ASXL2: variants seen among roughly 807,000 people sequenced by gnomAD.
ASXL2 encodes the protein ASXL transcriptional regulator 2, also known as putative Polycomb group protein ASXL2.
Under a neutral mutation model 122.0 loss-of-function variants are expected in ASXL2, and 23 were observed. The ratio of observed to expected loss-of-function variants is 0.19; its 90% confidence interval spans 0.14 to 0.27. The LOEUF (loss-of-function observed/expected upper bound fraction) is 0.27, where lower values mean the gene tolerates loss of function less well. Ranked by LOEUF, ASXL2 falls within the 10% of genes least tolerant of loss-of-function variation. ASXL2 has a pLI of 1.00. For synonymous variants in ASXL2, 650 were observed against 637.0 expected, an observed-to-expected ratio of 1.02 and a Z score of -0.31; for missense variants, 1,518 against 1,713.8, an observed-to-expected ratio of 0.89 and a Z score of 2.02.
At chr2:25,781,670 CT>C (rs34167762) in intron 5 of ASXL2, among the ~76,000 whole-genome samples, 92 of 121,710 alleles carry the variant, frequency 7.6e-4, no homozygotes, top group East Asian at 9.4e-4. Flanking sequence ...ACACACCTGG[CT>C]TTTTTTTTTT....
In ASXL2 at chr2:25,842,123, G is replaced by GA. The variant is rs1360334756; in HGVS notation, c.140+3357dup. Among the ~76,000 whole-genome samples the GA allele has an allele frequency of 1.3e-3, 153 of 117,422 alleles. 1 individual carries two copies. The highest frequency in any genetic ancestry group is 1.6e-3 in the Non-Finnish European group (84 of 53,380). 77.0% of individuals were successfully genotyped at this position (117,422 alleles called of 152,430 possible). A position where few individuals can be genotyped will look rare whatever the true frequency, so the allele number is the denominator to read the frequency against. ...GCAAAACTCTGTCTCAAAAAAAAAA[G>GA]AAAAAAAAAAAAGAAAAGAACACAG... On this transcript the variant is annotated intron_variant, in intron 2 of 12. Coordinates refer to ENST00000435504, the MANE Select transcript of ASXL2 (RefSeq NM_018263.6).
At chr2:25,751,481 A>G (rs1244398284) in intron 11 of ASXL2, among the ~76,000 whole-genome samples, 1 of 152,060 alleles carries the variant, frequency 6.6e-6, no homozygotes. Flanking sequence ...AAAAAATACA[A>G]TAATTAGCTG....
intron 4 of ASXL2, among the ~76,000 whole-genome samples, chr2:25,803,133 A>AAATGAATGAATGAATGAATGAATG (rs70950123): frequency 6.7e-6 from 1 of 148,628 alleles, no homozygotes; most frequent in East Asian, 2.0e-4. Flanking sequence ...CTCCATCTCA[A>AAATGAATGAATGAATGAATGAATG]AATGAATGAA....
chr2:25,816,603 A>G (rs1353259698), intron 3 of ASXL2, among the ~76,000 whole-genome samples: 4 of 152,230 alleles, frequency 2.6e-5, no homozygotes, highest in Non-Finnish European at 4.4e-5. Flanking sequence ...ACTAAGCCCC[A>G]GTTAACCTAA....
Position 25,759,641 on chromosome 2 carries a change from T to G in ASXL2, c.780A>C (p.Gln260His), listed in dbSNP as rs760461713. ...TGTCAGCACATTTAGTTCTTTTCAT[T>G]TGTCCTACAAAAACAGAGAAGAATC... is the stretch of plus-strand genomic sequence containing the variant. ...FQRSERLHTR[Q>H]MKRTKCADID... The change falls in exon 9 of 13, where the codon CAA (glutamine) becomes CAC (histidine). Residue 260 changes from glutamine (Q) to histidine (H), a missense_variant. This residue lies in a region of ASXL2 where 198 missense variants were observed against 209.0 expected (regional missense o/e 0.95). Coordinates refer to ENST00000435504, the MANE Select transcript of ASXL2 (RefSeq NM_018263.6). 1.2e-6 allele frequency: 2 copies of G among 1,609,236 alleles called. No homozygotes were observed. Among genetic ancestry groups the G allele is most frequent in the Non-Finnish European group, 1.7e-6 (2 of 1,176,380 alleles).
chr2:25,820,888 C>T (rs2089299614), intron 3 of ASXL2, among the ~76,000 whole-genome samples: 1 of 152,030 alleles, frequency 6.6e-6, no homozygotes, highest in African/African-American at 2.4e-5. Context: ...GAAATCAGGC[C>T]AGGCGCGGTG....
intron 3 of ASXL2, among the ~76,000 whole-genome samples, chr2:25,823,904 G>A (rs969238738): frequency 6.2e-5 from 9 of 145,526 alleles, no homozygotes; most frequent in African/African-American, 2.3e-4. Context: ...CTGGAATGGA[G>A]TTTTTATTTT....
chr2:25,810,683 TC>T, intron 3 of ASXL2: 1 of 712,266 alleles, frequency 1.4e-6, no homozygotes, highest in South Asian at 1.4e-5. Context: ...CTGCTCACAC[TC>T]CAGATCCTGC....
chr2:25,798,393 T>C (rs1394005511), intron 5 of ASXL2, among the ~76,000 whole-genome samples: 3 of 152,168 alleles, frequency 2.0e-5, no homozygotes, highest in African/African-American at 7.2e-5. Context: ...TGCATATTAC[T>C]TAAGGAAAGC....
At chr2:25,745,637 CCTT>C (rs2087929007) in intron 12 of ASXL2, among the ~76,000 whole-genome samples, 1 of 135,644 alleles carries the variant, frequency 7.4e-6, no homozygotes. Context: ...CCATTGATTT[CCTT>C]CTTTTTTTTT....
At chr2:25,833,124 T>A (rs2089473292) in intron 3 of ASXL2, among the ~76,000 whole-genome samples, 1 of 152,144 alleles carries the variant, frequency 6.6e-6, no homozygotes, top group African/African-American at 2.4e-5. Flanking sequence ...GGTACATGAA[T>A]CTATACACGT....
chr2:25,787,641 T>TA lies in ASXL2; in HGVS notation c.403+11743dup, dbSNP rs200302562. ...CACACAATTATAAAGTAAAAAAAGT[T>TA]AAAGCCATTCACAACAGAATAAAAA... On this transcript the variant is annotated intron_variant, in intron 5 of 12. Transcript: ENST00000435504. Among the ~76,000 whole-genome samples, 365 of 152,264 alleles carry TA rather than the reference T, an allele frequency of 2.4e-3. 2 individuals carry two copies. The highest frequency in any genetic ancestry group is 8.4e-3 in the African/African-American group (348 of 41,544).
Position 25,742,953 on chromosome 2 carries a change from A to T in ASXL2, c.3384T>A (p.Ile1128=). The part of the protein sequence containing the change: ...PAMAGHYLLN[I]STYGRGSESF... Reference sequence around the variant, plus strand: ...TCTCTGAGCCCCGGCCGTAGGTAGAAATATTCAGTAAGTAGTGCCCTGCCA... The same window carrying T: ...TCTCTGAGCCCCGGCCGTAGGTAGATATATTCAGTAAGTAGTGCCCTGCCA... The change falls in exon 13 of 13, where the codon ATT becomes ATA. Residue 1128 remains isoleucine, a synonymous_variant. Transcript: ENST00000435504. 6.2e-7 allele frequency: 1 copy of T among 1,614,000 alleles called. No homozygotes were observed. The highest frequency in any genetic ancestry group is 8.5e-7 in the Non-Finnish European group (1 of 1,179,902).
intron 3 of ASXL2, among the ~76,000 whole-genome samples, chr2:25,830,447 T>G (rs1013505518): frequency 2.6e-5 from 4 of 151,892 alleles, no homozygotes; most frequent in Non-Finnish European, 2.9e-5. Context: ...GCCTGACCAG[T>G]ATGGTGAAAC....
intron 4 of ASXL2, among the ~76,000 whole-genome samples, chr2:25,804,462 C>A (rs1177915949): frequency 6.6e-6 from 1 of 152,220 alleles, no homozygotes; most frequent in Non-Finnish European, 1.5e-5. Flanking sequence ...GTCAGAGGCT[C>A]CTGCTTTAGT....
intron 4 of ASXL2, among the ~76,000 whole-genome samples, chr2:25,799,980 CA>C (rs35716821): frequency 6.3e-5 from 6 of 94,764 alleles, no homozygotes; most frequent in Middle Eastern, 6.0e-3. Flanking sequence ...CCCGTCTCTA[CA>C]AAAAAAAAAT....
chr2:25,867,380 T>C (rs11898327), intron 1 of ASXL2, among the ~76,000 whole-genome samples: 49,191 of 151,834 alleles, frequency 0.32, 8,536 homozygotes, highest in African/African-American at 0.42. Flanking sequence ...GGCCAAGGAA[T>C]AAGGATAGAT....
rs1343028890 is a variant in ASXL2, at chr2:25,878,199, C to T, written c.24G>A (p.Lys8=). 6.2e-7 allele frequency: 1 copy of T among 1,613,936 alleles called. No homozygotes were observed. The highest frequency in any genetic ancestry group is 1.1e-5 in the South Asian group (1 of 91,088). The part of the protein sequence containing the change: MREKGRR[K]KGRTWAEAAK... ...CGGCCTCCGCCCAGGTCCTGCCCTT[C>T]TTCCTACGTCCCTTTTCCCTCATGT... Residue 8 remains lysine, a synonymous_variant, in exon 1 of 13, where the codon AAG becomes AAA. Transcript: ENST00000435504.
chr2:25,799,323 T>A, intron 5 of ASXL2, 62 bp downstream of exon 5: 1 of 1,609,794 alleles, frequency 6.2e-7, no homozygotes, highest in Non-Finnish European at 8.5e-7. Context: ...AAAGAGGAAC[T>A]ACTAACAAGG....
Sources: gnomAD v4.1 joint callset for allele counts (sites outside exome capture counted in the v4.1 genomes callset) on GRCh38, gnomAD v4.1.1 for gene constraint, gnomAD v4.1.1 regional missense constraint, MANE v1.5 for transcripts, NCBI Gene and HGNC (gene_info 2026-07-23, HGNC 2026-07-21) for gene names.